Variants in ROBO2 observed in about 807,000 individuals in gnomAD.
ROBO2 encodes roundabout guidance receptor 2, also known as roundabout homolog 2.
Under a neutral mutation model 160.8 loss-of-function variants are expected in ROBO2, and 53 were observed. The observed-to-expected ratio is 0.33, with a 90% CI of 0.26 to 0.41. ROBO2 has a LOEUF of 0.41. Ranked by LOEUF, ROBO2 falls within the 10% of genes least tolerant of loss-of-function variation. The pLI is 1.00. For missense variants in ROBO2, 1,577 were observed against 1,722.4 expected (o/e 0.92, Z 1.49); for synonymous variants, 664 against 611.7 (o/e 1.09, Z -1.26).
chr3:76,614,167 A>C (rs999256597), intron 2 of ROBO2, among the ~76,000 whole-genome samples: 1 of 152,116 alleles, frequency 6.6e-6, no homozygotes, highest in African/African-American at 2.4e-5. Context: ...TATCAGCCTG[A>C]GTTCAAGAAG....
intron 2 of ROBO2, among the ~76,000 whole-genome samples, chr3:77,383,801 A>C (rs990641149): frequency 6.6e-6 from 1 of 152,138 alleles, no homozygotes; most frequent in Non-Finnish European, 1.5e-5. Flanking sequence ...CTTTCAACAA[A>C]AGAGATTTTT....
At chr3:76,754,534 C>G (rs1301667983) in intron 2 of ROBO2, among the ~76,000 whole-genome samples, 1 of 151,794 alleles carries the variant, frequency 6.6e-6, no homozygotes, top group Non-Finnish European at 1.5e-5. Flanking sequence ...AATCACATGC[C>G]TTATGATGTG....
chr3:76,447,813 T>G lies in ROBO2; in HGVS notation c.109+510211T>G, dbSNP rs532121689. Among the ~76,000 whole-genome samples the G allele has an allele frequency of 3.2e-3, 479 of 147,986 alleles. 2 individuals carry two copies. The highest frequency in any genetic ancestry group is 7.0e-3 in the Middle Eastern group (2 of 284). Reference sequence around the variant, plus strand: ...AAGGACAAAAAACCAAGCACTGCATTTTCTCACTCATAGGTGGGAATTGAA... The same window carrying G: ...AAGGACAAAAAACCAAGCACTGCATGTTCTCACTCATAGGTGGGAATTGAA... On this transcript the variant is annotated intron_variant, in intron 2 of 26. Coordinates refer to the ROBO2 transcript ENST00000487694.
At chr3:77,088,451 T>C (rs1209800861) in intron 1 of ROBO2, among the ~76,000 whole-genome samples, 2 of 152,196 alleles carry the variant, frequency 1.3e-5, no homozygotes, top group Non-Finnish European at 2.9e-5. Flanking sequence ...GTTTGTTACG[T>C]AGGTAAATGT....
intron 7 of ROBO2, among the ~76,000 whole-genome samples, chr3:77,547,494 A>G (rs1406805310): frequency 6.6e-6 from 1 of 152,142 alleles, no homozygotes; most frequent in Non-Finnish European, 1.5e-5. Flanking sequence ...TGTAAGTTGC[A>G]TTAGAAGACT....
intron 8 of ROBO2, among the ~76,000 whole-genome samples, chr3:77,552,128 C>A (rs2092941866): frequency 1.3e-5 from 2 of 151,980 alleles, no homozygotes; most frequent in African/African-American, 2.4e-5. Flanking sequence ...CTCCATATTT[C>A]TTTAAAAGAA....
At chr3:76,270,427 C>T (rs960291095) in intron 2 of ROBO2, among the ~76,000 whole-genome samples, 1 of 151,860 alleles carries the variant, frequency 6.6e-6, no homozygotes, top group Admixed American at 6.6e-5. Flanking sequence ...TGTATAATTC[C>T]CCATATTCTA....
intron 1 of ROBO2, among the ~76,000 whole-genome samples, chr3:77,047,308 C>T (rs920769250): frequency 1.3e-5 from 2 of 152,168 alleles, no homozygotes; most frequent in African/African-American, 2.4e-5. Flanking sequence ...TTTTATGCCT[C>T]AGTGTCCTTA....
intron 2 of ROBO2, among the ~76,000 whole-genome samples, chr3:76,081,142 T>G: frequency 6.7e-6 from 1 of 148,782 alleles, no homozygotes. Context: ...ATAGTTTTTT[T>G]TTACAAAATT....
chr3:76,206,842 G>A (rs1348197656), intron 2 of ROBO2, among the ~76,000 whole-genome samples: 1 of 152,134 alleles, frequency 6.6e-6, no homozygotes, highest in African/African-American at 2.4e-5. Context: ...TGTACCCACA[G>A]CTAGGCACAT....
At chr3:77,412,509 C>T (rs1258875798) in intron 2 of ROBO2, among the ~76,000 whole-genome samples, 1 of 152,226 alleles carries the variant, frequency 6.6e-6, no homozygotes. Flanking sequence ...CTAGTTTGAG[C>T]ACTGCTGTCT....
At chr3:76,926,609 C>T (rs1252645294) in intron 2 of ROBO2, among the ~76,000 whole-genome samples, 1 of 152,168 alleles carries the variant, frequency 6.6e-6, no homozygotes, top group African/African-American at 2.4e-5. Flanking sequence ...GACAAACTTA[C>T]CAGATTTACT....
chr3:76,394,910 A>C (rs542698777), intron 2 of ROBO2, among the ~76,000 whole-genome samples: 1 of 150,148 alleles, frequency 6.7e-6, no homozygotes, highest in Non-Finnish European at 1.5e-5. Flanking sequence ...AACATTAGAC[A>C]GATCAACGAG....
At chr3:76,518,369 G>T (rs1320716764) in intron 2 of ROBO2, among the ~76,000 whole-genome samples, 4 of 151,928 alleles carry the variant, frequency 2.6e-5, no homozygotes, top group African/African-American at 9.7e-5. Flanking sequence ...GAGATGTTTT[G>T]ATACAGGCGT....
chr3:76,128,173 C>T (rs753411300), intron 2 of ROBO2, among the ~76,000 whole-genome samples: 66 of 152,064 alleles, frequency 4.3e-4, no homozygotes, highest in Non-Finnish European at 8.5e-4. Context: ...GGATTACAAG[C>T]ATGAGCCACC....
At chr3:76,727,084 G>A (rs891585929) in intron 2 of ROBO2, among the ~76,000 whole-genome samples, 1 of 152,062 alleles carries the variant, frequency 6.6e-6, no homozygotes, top group African/African-American at 2.4e-5. Flanking sequence ...TTGAATATTG[G>A]TTTTCTTGAC....
chr3:76,367,165 T>C (rs1196909919), intron 2 of ROBO2, among the ~76,000 whole-genome samples: 1 of 152,056 alleles, frequency 6.6e-6, no homozygotes, highest in East Asian at 1.9e-4. Flanking sequence ...TATTATATCA[T>C]GTGGAATAAT....
chr3:77,098,618 C>T (rs191755164), intron 2 of ROBO2, among the ~76,000 whole-genome samples: 7 of 151,828 alleles, frequency 4.6e-5, no homozygotes, highest in African/African-American at 1.2e-4. Context: ...GAGGCGGAGG[C>T]GGGCGGATCA....
intron 2 of ROBO2, among the ~76,000 whole-genome samples, chr3:76,879,839 A>G (rs1166980): frequency 0.19 from 28,547 of 152,116 alleles, 2,904 homozygotes; most frequent in Middle Eastern, 0.27. Context: ...TTAACAAAAG[A>G]TGACACTATT....
Sources: allele counts gnomAD v4.1 joint callset (sites outside exome capture counted in the v4.1 genomes callset), GRCh38; gene constraint gnomAD v4.1.1; transcripts MANE v1.5; gene names NCBI Gene and HGNC (gene_info 2026-07-23, HGNC 2026-07-21).